PPFIA1: variants seen among roughly 807,000 people sequenced by gnomAD.
The protein encoded by PPFIA1 is PPFI scaffold protein A1, also known as liprin-alpha-1.
Under a neutral mutation model 149.9 loss-of-function variants are expected in PPFIA1, and 25 were observed. The observed-to-expected ratio is 0.17, with a 90% CI of 0.12 to 0.23. PPFIA1 has a LOEUF of 0.23. PPFIA1 is among the 10% of genes least tolerant of loss of function. The pLI, the probability that PPFIA1 is intolerant of heterozygous loss-of-function variation, is 1.00. For missense variants in PPFIA1, 1,362 were observed against 1,506.5 expected, an observed-to-expected ratio of 0.90 and a Z score of 1.59; for synonymous variants, 549 against 552.8, an observed-to-expected ratio of 0.99 and a Z score of 0.10.
chr11:70,339,993 C>T (rs7114200), intron 14 of PPFIA1, among the ~76,000 whole-genome samples: 3 of 151,856 alleles, frequency 2.0e-5, no homozygotes, highest in Admixed American at 1.3e-4. Flanking sequence ...GCCTGGGCTA[C>T]AAGAGTGAAA....
At chr11:70,365,278 C>T (rs60917762) in intron 21 of PPFIA1, 55,879 of 402,142 alleles carry the variant, frequency 0.14, 5,175 homozygotes, top group African/African-American at 0.32. Flanking sequence ...CTCCTCGGCC[C>T]CTTCTCTGTG....
At chr11:70,294,671 T>TCTGGTTTTCCTAGGCAGAGGTCC (rs2051775249) in intron 2 of PPFIA1, among the ~76,000 whole-genome samples, 1 of 151,748 alleles carries the variant, frequency 6.6e-6, no homozygotes. Context: ...AACAAAGGTC[T>TCTGGTTTTCCTAGGCAGAGGTCC]CTGGTTTTCC....
chr11:70,320,350 G>T (rs993880468), intron 2 of PPFIA1, among the ~76,000 whole-genome samples: 1 of 152,180 alleles, frequency 6.6e-6, no homozygotes, highest in Non-Finnish European at 1.5e-5. Flanking sequence ...CTCCAAGCAG[G>T]CAGTGTCAGT....
In PPFIA1 at chr11:70,290,137, C is replaced by T. The variant is rs943927070; in HGVS notation, c.264+17701C>T. 7.2e-5 allele frequency among the ~76,000 whole-genome samples: 11 copies of T among 151,778 alleles called. No individual in the cohort carries two copies. In the East Asian group the frequency reaches 1.4e-3, roughly 19 times the overall value. On this transcript the variant is annotated intron_variant, in intron 2 of 27. Coordinates refer to ENST00000253925, the MANE Select transcript of PPFIA1 (RefSeq NM_003626.5). Reference sequence around the variant, plus strand: ...CCCAGCTACTCAGGAGGCTGAGGCACGAGAATCGCTTGGGCCTGAGAGATG... The same window carrying T: ...CCCAGCTACTCAGGAGGCTGAGGCATGAGAATCGCTTGGGCCTGAGAGATG...
At chr11:70,277,060 A>ATAATATATATATATATATATTTTTTTTT in intron 2 of PPFIA1, among the ~76,000 whole-genome samples, 5 of 66,306 alleles carry the variant, frequency 7.5e-5, no homozygotes, top group African/African-American at 5.9e-4. Context: ...ATATATATAT[A>ATAATATATATATATATATATTTTTTTTT]TTTTTTTTTT....
At chr11:70,337,542 C>T in intron 12 of PPFIA1, 115 bp downstream of exon 12, 1 of 658,448 alleles carries the variant, frequency 1.5e-6, no homozygotes, top group Non-Finnish European at 2.5e-6. Context: ...CTCTCATAGT[C>T]CACTGCCATA....
intron 7 of PPFIA1, among the ~76,000 whole-genome samples, chr11:70,327,948 A>G (rs1400958529): frequency 1.3e-5 from 2 of 152,218 alleles, no homozygotes; most frequent in Non-Finnish European, 2.9e-5. Flanking sequence ...GTAGGAATTC[A>G]CCACAGGAAG....
At position 70,352,833 on chromosome 11, in the gene PPFIA1, G is replaced by T. The variant is rs185007808; in HGVS notation, c.2164-1468G>T. Among the ~76,000 whole-genome samples the T allele has an allele frequency of 1.4e-4, 21 of 149,928 alleles. 1 individual carries two copies. Among genetic ancestry groups the T allele is most frequent in the African/African-American group, 5.0e-4 (20 of 40,280 alleles). ...GTGTGGAGGTGTCGGAGGGCGGCGT[G>T]TGGAGGGATGAGGAGGGCAGCGCTG... is the stretch of plus-strand genomic sequence containing the variant. On this transcript the variant is annotated intron_variant, in intron 16 of 27. Coordinates refer to ENST00000253925, the MANE Select transcript of PPFIA1 (RefSeq NM_003626.5).
intron 15 of PPFIA1, 60 bp from the exon 16 acceptor site, chr11:70,348,129 T>C (rs1051501231): frequency 7.0e-5 from 103 of 1,479,178 alleles, no homozygotes; most frequent in Non-Finnish European, 1.9e-6. Flanking sequence ...GTTTTTCTCA[T>C]GCAAACACAT....
intron 16 of PPFIA1, among the ~76,000 whole-genome samples, chr11:70,353,403 A>C (rs2056182680): frequency 6.6e-6 from 1 of 152,224 alleles, no homozygotes; most frequent in Admixed American, 6.5e-5. Context: ...TAATAAAATA[A>C]AGTTCACTGT....
chr11:70,382,246 C>T, intron 27 of PPFIA1, 88 bp downstream of exon 27: 1 of 939,794 alleles, frequency 1.1e-6, no homozygotes, highest in Non-Finnish European at 1.6e-6. Flanking sequence ...GGGGTGTGGA[C>T]CATGAAAGCC....
At position 70,274,933 on chromosome 11, in the gene PPFIA1, G is replaced by A. The variant is rs118088809; in HGVS notation, c.264+2497G>A. ...GGGGTTTTACCATGTTGCCCAGGCC[G>A]GAGGATATGTGTACACTTCTGTTGG... On this transcript the variant is annotated intron_variant, in intron 2 of 27. Transcript: ENST00000253925. 5.1e-3 allele frequency among the ~76,000 whole-genome samples: 778 copies of A among 152,224 alleles called. 18 individuals carry two copies. The East Asian group carries it at 0.088, about 17-fold the overall frequency.
At chr11:70,361,016 A>C (rs910455472) in intron 19 of PPFIA1, among the ~76,000 whole-genome samples, 2 of 152,240 alleles carry the variant, frequency 1.3e-5, no homozygotes, top group African/African-American at 4.8e-5. Flanking sequence ...CCAAGCTTAT[A>C]GTGTTATTTC....
chr11:70,373,080 GA>G (rs2057341691), intron 23 of PPFIA1, among the ~76,000 whole-genome samples: 1 of 152,206 alleles, frequency 6.6e-6, no homozygotes, highest in South Asian at 2.1e-4. Flanking sequence ...TTAGGGTAAG[GA>G]AAAGGCATTT....
intron 2 of PPFIA1, among the ~76,000 whole-genome samples, chr11:70,307,764 AT>A (rs11344792): frequency 0.22 from 33,188 of 151,656 alleles, 5,543 homozygotes; most frequent in African/African-American, 0.46. Context: ...TACAAAAAAA[AT>A]TTTTTTTTAA....
At chr11:70,277,259 T>TC (rs1450774148) in intron 2 of PPFIA1, among the ~76,000 whole-genome samples, 2 of 151,420 alleles carry the variant, frequency 1.3e-5, no homozygotes, top group Admixed American at 6.6e-5. Flanking sequence ...CAGGTGATCC[T>TC]CCCCCCTTAG....
chr11:70,306,039 GA>G (rs1045997449), intron 2 of PPFIA1, among the ~76,000 whole-genome samples: 1 of 152,150 alleles, frequency 6.6e-6, no homozygotes, highest in African/African-American at 2.4e-5. Context: ...TTTGTTTTTA[GA>G]AATAGTAAGG....
chr11:70,285,923 G>A (rs974079723), intron 2 of PPFIA1, among the ~76,000 whole-genome samples: 1 of 152,070 alleles, frequency 6.6e-6, no homozygotes, highest in African/African-American at 2.4e-5. Flanking sequence ...TTCGTTGTAT[G>A]AAGAGAAATG....
chr11:70,326,633 C>T lies in PPFIA1; in HGVS notation c.745C>T (p.Leu249Phe). The part of the protein sequence containing the change: ...SDGSLSHEED[L>F]AKVIELQEII... ...TGGTTCTTTAAGCCACGAGGAAGAC[C>T]TTGCTAAAGTAATTGAGCTCCAAGA... The change falls in exon 7 of 28, where the codon CTT (leucine) becomes TTT (phenylalanine). Residue 249 changes from leucine to phenylalanine, a missense_variant. By Grantham distance (22) the Leu-to-Phe change is conservative (BLOSUM62 0). Around this residue, in one of 7 missense-constraint regions of PPFIA1, gnomAD observed 733 missense variants for 744.1 expected, o/e 0.99. Coordinates refer to ENST00000253925, the MANE Select transcript of PPFIA1 (RefSeq NM_003626.5). 1 of 1,614,014 alleles carries T rather than the reference C, an allele frequency of 6.2e-7. No individual in the cohort carries two copies. Among genetic ancestry groups the T allele is most frequent in the Non-Finnish European group, 8.5e-7 (1 of 1,180,020 alleles).
Sources: gnomAD v4.1 joint callset for allele counts (sites outside exome capture counted in the v4.1 genomes callset) on GRCh38, gnomAD v4.1.1 for gene constraint, gnomAD v4.1.1 regional missense constraint, MANE v1.5 for transcripts, NCBI Gene and HGNC (gene_info 2026-07-23, HGNC 2026-07-21) for gene names.